HCN3: variants seen among roughly 807,000 people sequenced by gnomAD.
HCN3 encodes the protein potassium/sodium hyperpolarization-activated cyclic nucleotide-gated channel 3.
Under a neutral mutation model 56.8 loss-of-function variants are expected in HCN3, and 36 were observed. The ratio of observed to expected loss-of-function variants is 0.63; its 90% CI spans 0.49 to 0.84. The LOEUF is 0.84. Among genes scored for constraint, HCN3 ranks in the 40% least tolerant of loss-of-function variants. HCN3 has a pLI of 0.00. For synonymous variants in HCN3, 425 were observed against 439.7 expected, an observed-to-expected ratio of 0.97 and a Z score of 0.42; for missense variants, 930 against 1,079.3, an observed-to-expected ratio of 0.86 and a Z score of 1.94.
Position 155,288,460 on chromosome 1 carries a change from G to A in HCN3, c.2322G>A (p.Met774Ile). 6.9e-6 allele frequency: 11 copies of A among 1,592,752 alleles called. No homozygotes were observed. Among genetic ancestry groups the A allele is most frequent in the Non-Finnish European group, 9.4e-6 (11 of 1,170,588 alleles). Residue 774 changes from methionine to isoleucine, a missense_variant, in exon 8 of 8, where the codon ATG becomes ATA. Physicochemically the swap from Met to Ile is conservative, Grantham distance 10 (BLOSUM62 1). Coordinates refer to ENST00000368358, the MANE Select transcript of HCN3 (RefSeq NM_020897.3). This position sits in a 1 kb window ranked among gnomAD's most constrained non-coding sequence, Gnocchi z 6.5. ...GGGGTCTCCAGCTTTCTGCCAACAT[G>A]TAAAACCTTTGAGTACATCCAGCCT... ...TPRGLQLSAN[M>I]
intron 2 of HCN3, among the ~76,000 whole-genome samples, chr1:155,283,209 C>T (rs905292761): frequency 6.6e-6 from 1 of 152,182 alleles, no homozygotes. Context: ...GCTCTGCAGT[C>T]TCATTGTCTT....
Position 155,285,850 on chromosome 1 carries a change from G to A in HCN3, c.1363G>A (p.Val455Met), listed in dbSNP as rs753739215. 6.8e-6 allele frequency: 11 copies of A among 1,614,112 alleles called. No individual in the cohort carries two copies. Among genetic ancestry groups the A allele is most frequent in the Admixed American group, 6.7e-5 (4 of 60,010 alleles). ...RFEVFQPGDLVVREGSVGRKM... is the reference protein window; with the variant it reads ...RFEVFQPGDLMVREGSVGRKM... ...TGAGGTCTTCCAGCCGGGGGATCTC[G>A]TGGTGCGTGAGGGCTCCGTGGGGAG... The change falls in exon 6 of 8, where the codon GTG (valine) becomes ATG (methionine). Residue 455 changes from valine (V) to methionine (M), a missense_variant. Physicochemically the swap from Val to Met is conservative, Grantham distance 21 (BLOSUM62 1). Transcript: ENST00000368358. The surrounding 1 kb of genome is among the most constrained non-coding windows in gnomAD (Gnocchi z 4.5).
At position 155,288,021 on chromosome 1, in the gene HCN3, G is replaced by A. The variant is rs764867181; in HGVS notation, c.1883G>A (p.Arg628Gln). ...SNVAIALTHQ[R>Q]GPLPLSPDSP... ...GTGGCCATTGCCCTGACTCATCAGC[G>A]GGGCCCTCTGCCCCTCTCCCCTGAC... The change falls in exon 8 of 8, where the codon CGG (arginine) becomes CAG (glutamine). Residue 628 changes from arginine to glutamine, a missense_variant. Coordinates refer to ENST00000368358, the MANE Select transcript of HCN3 (RefSeq NM_020897.3). This position sits in a 1 kb window ranked among gnomAD's most constrained non-coding sequence, Gnocchi z 6.5. 1.1e-5 allele frequency: 18 copies of A among 1,613,802 alleles called. No individual in the cohort carries two copies. The highest frequency in any genetic ancestry group is 5.3e-5 in the African/African-American group (4 of 74,870).
rs555589580 is a variant in HCN3, at chr1:155,288,135, C to A, written c.1997C>A (p.Ala666Glu). The A allele has an allele frequency of 5.7e-4, 905 of 1,593,624 alleles. 11 individuals carry two copies. The South Asian group carries it at 9.5e-3, about 17-fold the overall frequency. The change falls in exon 8 of 8, where the codon GCA becomes GAA. Residue 666 changes from alanine to glutamate, a missense_variant. Ala to Glu is a moderately radical substitution (Grantham distance 107). Transcript: ENST00000368358. This position sits in a 1 kb window ranked among gnomAD's most constrained non-coding sequence, Gnocchi z 6.5. ...GTGCCCGTCCGAGCTGGCCCATGGGCATCCACCTCCCGCCTGCCCGCCCCA... is the reference window on the plus strand; with the variant it reads ...GTGCCCGTCCGAGCTGGCCCATGGGAATCCACCTCCCGCCTGCCCGCCCCA... ...PLVPVRAGPW[A>E]STSRLPAPPA... is the part of the protein sequence containing the mutation.
Position 155,288,347 on chromosome 1 carries a change from G to A in HCN3, c.2209G>A (p.Glu737Lys). 2 of 1,613,950 alleles carry A rather than the reference G, an allele frequency of 1.2e-6. No individual in the cohort carries two copies. The highest frequency in any genetic ancestry group is 1.1e-5 in the South Asian group (1 of 91,084). The change falls in exon 8 of 8, where the codon GAG becomes AAG. Residue 737 changes from glutamate to lysine, a missense_variant. Transcript: ENST00000368358. The surrounding 1 kb of genome is among the most constrained non-coding windows in gnomAD (Gnocchi z 6.5). Reference protein sequence around the residue: ...GSPGRKGSGSERLPPSGLLAK... With the variant: ...GSPGRKGSGSKRLPPSGLLAK... ...TCCTGGGCGTAAGGGATCAGGAAGT[G>A]AGCGGCTGCCTCCCTCAGGGCTCCT...
At chr1:155,283,739 G>T (rs1572038799) in intron 2 of HCN3, among the ~76,000 whole-genome samples, 2 of 152,092 alleles carry the variant, frequency 1.3e-5, no homozygotes, top group East Asian at 3.9e-4. Context: ...GTGGTTCTGG[G>T]CACATGACTG....
Position 155,277,503 on chromosome 1 carries a change from T to G in HCN3, c.-88T>G. The G allele has an allele frequency of 7.0e-7, 1 of 1,426,336 alleles. No homozygotes were observed. The highest frequency in any genetic ancestry group is 9.2e-7 in the Non-Finnish European group (1 of 1,082,254). 88.4% of individuals were successfully genotyped at this position (1,426,336 alleles called of 1,614,324 possible). On this transcript the variant is annotated 5_prime_UTR_variant, in exon 1 of 8. Coordinates refer to ENST00000368358, the MANE Select transcript of HCN3 (RefSeq NM_020897.3). ...ACGCCTCCGCTAGAGCCCGCGGGGCTGCGCCGACTCCTGCTCTGGAGGGGT... is the reference window on the plus strand; with the variant it reads ...ACGCCTCCGCTAGAGCCCGCGGGGCGGCGCCGACTCCTGCTCTGGAGGGGT...
At chr1:155,283,495 C>T (rs148261599) in intron 2 of HCN3, among the ~76,000 whole-genome samples, 258 of 151,442 alleles carry the variant, frequency 1.7e-3, no homozygotes, top group African/African-American at 5.9e-3. Context: ...TATGCTGGTG[C>T]GCTGCACCCA....
At position 155,285,446 on chromosome 1, in the gene HCN3, G is replaced by A; in HGVS notation, c.1236+135G>A. On this transcript the variant is annotated intron_variant, in intron 5 of 7. Coordinates refer to ENST00000368358, the MANE Select transcript of HCN3 (RefSeq NM_020897.3). This position sits in a 1 kb window ranked among gnomAD's most constrained non-coding sequence, Gnocchi z 4.5. The stretch of plus-strand genomic sequence containing the variant: ...GGGCCCCGTGGGAGGCCAGGTATTT[G>A]GGCTTTCAGGGGCTAGGGTCTTTCT... The A allele has an allele frequency of 8.7e-7, 1 of 1,155,402 alleles. No homozygotes were observed. Among genetic ancestry groups the A allele is most frequent in the Non-Finnish European group, 1.2e-6 (1 of 829,460 alleles). The allele number at this position is 1,155,402 out of a possible 1,614,324, so 71.6% of individuals were successfully genotyped here.
chr1:155,278,081 G>A (rs180959254), intron 1 of HCN3, among the ~76,000 whole-genome samples: 3 of 152,286 alleles, frequency 2.0e-5, no homozygotes, highest in African/African-American at 4.8e-5. Context: ...CAGGCTGGGG[G>A]CACCAGAAGG....
rs535526749 is a variant in HCN3 at position 155,277,580 on chromosome 1, G to A, written c.-11G>A. 3.3e-5 allele frequency: 51 copies of A among 1,558,110 alleles called. No individual in the cohort carries two copies. In the African/African-American group the frequency reaches 5.9e-4, roughly 18 times the overall value. On this transcript the variant is annotated 5_prime_UTR_variant, in exon 1 of 8. Transcript: ENST00000368358. ...CTCTAGGAGGCCGAGCGTGTAAGCGGGGTGGGCGCCATGGAGGCAGAGCAG... is the reference window on the plus strand; with the variant it reads ...CTCTAGGAGGCCGAGCGTGTAAGCGAGGTGGGCGCCATGGAGGCAGAGCAG...
intron 1 of HCN3, among the ~76,000 whole-genome samples, chr1:155,280,901 T>G (rs1674017945): frequency 6.7e-6 from 1 of 149,702 alleles, no homozygotes; most frequent in Non-Finnish European, 1.5e-5. Context: ...ATCACAGGCA[T>G]GTGCCACCAC....
chr1:155,278,010 A>C (rs1673879227), intron 1 of HCN3, 142 bp downstream of exon 1: 1 of 1,084,130 alleles, frequency 9.2e-7, no homozygotes, highest in African/African-American at 1.6e-5. Flanking sequence ...AGTCACTTGC[A>C]CCAGTCTAGC....
In HCN3 at chr1:155,285,364, T is replaced by G; in HGVS notation, c.1236+53T>G. 6.3e-7 allele frequency: 1 copy of G among 1,599,846 alleles called. No homozygotes were observed. Among genetic ancestry groups the G allele is most frequent in the Non-Finnish European group, 8.5e-7 (1 of 1,171,836 alleles). On this transcript the variant is annotated intron_variant, in intron 5 of 7. Coordinates refer to ENST00000368358, the MANE Select transcript of HCN3 (RefSeq NM_020897.3). The surrounding 1 kb of genome is among the most constrained non-coding windows in gnomAD (Gnocchi z 4.5). ...GGCTCTTCAGGGACCTGGAGTGCTG[T>G]CTGGTGGTAGGGGCTATTGGTCAGC...
At position 155,285,039 on chromosome 1, in the gene HCN3, C is replaced by G. The variant is rs1478686086; in HGVS notation, c.1090-126C>G. 1 of 1,078,714 alleles carries G rather than the reference C, an allele frequency of 9.3e-7. No homozygotes were observed. Among genetic ancestry groups the G allele is most frequent in the Non-Finnish European group, 1.4e-6 (1 of 730,112 alleles). 66.8% of individuals were successfully genotyped at this position (1,078,714 alleles called of 1,614,324 possible). A position where few individuals can be genotyped will look rare whatever the true frequency, so the allele number is the denominator to read the frequency against. On this transcript the variant is annotated intron_variant, in intron 4 of 7. Coordinates refer to ENST00000368358, the MANE Select transcript of HCN3 (RefSeq NM_020897.3). This position sits in a 1 kb window ranked among gnomAD's most constrained non-coding sequence, Gnocchi z 4.5. ...CCTCTGTGGCCCTGTGTATCCATGT[C>G]TGGTTCCACGTTTCACCCCTTTGAG...
chr1:155,288,218 C>T lies in HCN3; in HGVS notation c.2080C>T (p.Leu694=). 6.3e-7 allele frequency: 1 copy of T among 1,577,362 alleles called. No individual in the cohort carries two copies. The change falls in exon 8 of 8, where the codon CTG becomes TTG. Residue 694 remains leucine, a synonymous_variant. Coordinates refer to ENST00000368358, the MANE Select transcript of HCN3 (RefSeq NM_020897.3). The surrounding 1 kb of genome is among the most constrained non-coding windows in gnomAD (Gnocchi z 6.5). ...SRAGRSQVSL[L]GPPPGGGGRR... Reference sequence around the variant, plus strand: ...GGCAGGGCGCTCCCAGGTCTCCCTGCTGGGTCCCCCTCCAGGAGGAGGTGG... The same window carrying T: ...GGCAGGGCGCTCCCAGGTCTCCCTGTTGGGTCCCCCTCCAGGAGGAGGTGG...
Position 155,284,475 on chromosome 1 carries a change from G to C in HCN3, c.871-64G>C. On this transcript the variant is annotated intron_variant, in intron 3 of 7. Transcript: ENST00000368358. This position sits in a 1 kb window ranked among gnomAD's most constrained non-coding sequence, Gnocchi z 4.3. ...ACAGAAAGACCAAAGAAGGAAAAGG[G>C]GCAGGCAGAGAATGAGGCTCCGAGG... 1 of 1,485,916 alleles carries C rather than the reference G, an allele frequency of 6.7e-7. No individual in the cohort carries two copies. Among genetic ancestry groups the C allele is most frequent in the Non-Finnish European group, 9.2e-7 (1 of 1,089,650 alleles). The allele number at this position is 1,485,916 out of a possible 1,614,324, so 92.0% of individuals were successfully genotyped here.
At position 155,282,039 on chromosome 1, in the gene HCN3, G is replaced by A. The variant is rs998832395; in HGVS notation, c.279-372G>A. ...AATTTCACAGCTGTATGGTATGCCA[G>A]CCCATAAATAGTGTATTTATCTACT... is the stretch of plus-strand genomic sequence containing the variant. On this transcript the variant is annotated intron_variant, in intron 1 of 7. Transcript: ENST00000368358. This position sits in a 1 kb window ranked among gnomAD's most constrained non-coding sequence, Gnocchi z 4.7. Among the ~76,000 whole-genome samples the A allele has an allele frequency of 2.6e-5, 4 of 152,202 alleles. No homozygotes were observed. The highest frequency in any genetic ancestry group is 9.6e-5 in the African/African-American group (4 of 41,456).
chr1:155,287,962 T>A lies in HCN3; in HGVS notation c.1824T>A (p.His608Gln). The change falls in exon 8 of 8, where the codon CAT (histidine) becomes CAA (glutamine). Residue 608 changes from histidine (H) to glutamine (Q), a missense_variant. Physicochemically the swap from His to Gln is conservative, Grantham distance 24. Coordinates refer to ENST00000368358, the MANE Select transcript of HCN3 (RefSeq NM_020897.3). ...GKPVLWEPLV[H>Q]APLQAAAVTS... The stretch of plus-strand genomic sequence containing the variant: ...CAGTACTGTGGGAGCCACTGGTACA[T>A]GCGCCCCTTCAGGCAGCTGCTGTGA... 6.2e-7 allele frequency: 1 copy of A among 1,614,028 alleles called. No homozygotes were observed. The highest frequency in any genetic ancestry group is 1.3e-5 in the African/African-American group (1 of 75,004).
Sources: gnomAD v4.1 joint callset for allele counts (sites outside exome capture counted in the v4.1 genomes callset) on GRCh38, gnomAD v4.1.1 for gene constraint, Gnocchi (gnomAD v3.1) non-coding constraint, MANE v1.5 for transcripts, NCBI Gene and HGNC (gene_info 2026-07-23, HGNC 2026-07-21) for gene names.